Variants in NRXN1 observed in about 807,000 individuals in gnomAD.
NRXN1 encodes neurexin 1, also known as neurexin-1.
In NRXN1, 39 loss-of-function variants were observed where a neutral mutation model predicts 150.9. The observed-to-expected ratio is 0.26, with a 90% confidence interval of 0.20 to 0.34. NRXN1 has a LOEUF of 0.34. NRXN1 is among the 10% of genes least tolerant of loss of function. The probability of loss-of-function intolerance (pLI) is 1.00; values close to 1 mark genes in which losing one functional copy is unlikely to be tolerated. For synonymous variants in NRXN1, 924 were observed against 757.0 expected, an observed-to-expected ratio of 1.22 and a Z score of -3.62; for missense variants, 1,815 against 1,949.9, an observed-to-expected ratio of 0.93 and a Z score of 1.30.
intron 5 of NRXN1, among the ~76,000 whole-genome samples, chr2:50,815,654 T>A (rs1004539604): frequency 6.6e-6 from 1 of 152,150 alleles, no homozygotes; most frequent in African/African-American, 2.4e-5. Flanking sequence ...ATTAAAGTGG[T>A]CAGGACTATT....
chr2:50,029,745 T>A (rs1688909227), intron 21 of NRXN1, among the ~76,000 whole-genome samples: 3 of 152,144 alleles, frequency 2.0e-5, no homozygotes. Context: ...GCAGACTAAG[T>A]CAGCAGTAGG....
intron 17 of NRXN1, among the ~76,000 whole-genome samples, chr2:50,392,184 T>C (rs930699727): frequency 1.3e-5 from 2 of 152,130 alleles, no homozygotes; most frequent in African/African-American, 4.8e-5. Flanking sequence ...ACCAAACTTA[T>C]TTAATAATAC....
intron 5 of NRXN1, among the ~76,000 whole-genome samples, chr2:50,714,020 T>A (rs913896698): frequency 1.3e-5 from 2 of 152,170 alleles, no homozygotes; most frequent in Admixed American, 6.5e-5. Context: ...ATATGACCAA[T>A]ATCTAACAAT....
At chr2:49,933,828 T>C (rs546700007) in intron 22 of NRXN1, among the ~76,000 whole-genome samples, 20 of 152,302 alleles carry the variant, frequency 1.3e-4, no homozygotes, top group African/African-American at 4.6e-4. Context: ...TTTTGCAATA[T>C]GCACTGCACA....
At position 50,053,590 on chromosome 2, in the gene NRXN1, C is replaced by T; in HGVS notation, c.3809G>A (p.Gly1270Glu). Reference protein sequence around the residue: ...RVVDEWLLDKGRQLTIFNSQA... With the variant: ...RVVDEWLLDKERQLTIFNSQA... The stretch of plus-strand genomic sequence containing the variant: ...GCTATTGAAGATTGTGAGCTGACGC[C>T]CTGTAAAAATAATATTACATACATG... The change falls in exon 21 of 23, where the codon GGG (glycine) becomes GAG (glutamate). Residue 1270 changes from glycine (G) to glutamate (E), a missense_variant and splice_region_variant. By Grantham distance (98) the Gly-to-Glu change is moderately conservative (BLOSUM62 -2). Coordinates refer to ENST00000401669, the MANE Select transcript of NRXN1 (RefSeq NM_001330078.2). 1 of 1,613,746 alleles carries T rather than the reference C, an allele frequency of 6.2e-7. No homozygotes were observed. Among genetic ancestry groups the T allele is most frequent in the Non-Finnish European group, 8.5e-7 (1 of 1,179,822 alleles).
intron 5 of NRXN1, among the ~76,000 whole-genome samples, chr2:50,815,779 C>T (rs957733595): frequency 1.2e-4 from 19 of 152,130 alleles, no homozygotes; most frequent in Admixed American, 5.9e-4. Context: ...ATTATTTTCA[C>T]GCTATTTTAT....
intron 17 of NRXN1, among the ~76,000 whole-genome samples, chr2:50,412,158 A>G (rs1404476716): frequency 6.6e-6 from 1 of 152,146 alleles, no homozygotes; most frequent in East Asian, 1.9e-4. Context: ...TCAAGTACCC[A>G]GGGACACAAA....
chr2:50,274,901 A>T (rs1027362239), intron 17 of NRXN1, among the ~76,000 whole-genome samples: 2 of 152,186 alleles, frequency 1.3e-5, no homozygotes, highest in Non-Finnish European at 2.9e-5. Context: ...AGGCTTCTGT[A>T]CAACAGATTT....
chr2:50,937,937 G>T (rs1034150262), intron 2 of NRXN1, among the ~76,000 whole-genome samples: 1 of 152,124 alleles, frequency 6.6e-6, no homozygotes, highest in Non-Finnish European at 1.5e-5. Context: ...TACACACCTA[G>T]GCTATCTGGT....
Position 50,868,169 on chromosome 2 carries a change from A to C in NRXN1, c.832+53700T>G, listed in dbSNP as rs1208182830. Among the ~76,000 whole-genome samples the C allele has an allele frequency of 1.0e-4, 9 of 87,264 alleles. No homozygotes were observed. In the South Asian group the frequency reaches 4.3e-3, roughly 41 times the overall value. The allele number at this position is 87,264 out of a possible 152,430, so 57.2% of individuals were successfully genotyped here. ...TATATATATATATATATATATATAT[A>C]TATATATATATATATATATGCATAC... On this transcript the variant is annotated intron_variant, in intron 5 of 22. Coordinates refer to ENST00000401669, the MANE Select transcript of NRXN1 (RefSeq NM_001330078.2).
chr2:50,546,488 T>C lies in NRXN1; in HGVS notation c.1759+6099A>G, dbSNP rs569850288. Among the ~76,000 whole-genome samples, 85 of 152,164 alleles carry C rather than the reference T, an allele frequency of 5.6e-4. 1 individual carries two copies. The highest frequency in any genetic ancestry group is 9.6e-4 in the Non-Finnish European group (65 of 68,032). ...AAAATAAATTTTGCTACTTAGATGA[T>C]CTTGAGCAAAAGAGTACATAACACC... On this transcript the variant is annotated intron_variant, in intron 9 of 22. Transcript: ENST00000401669.
intron 17 of NRXN1, among the ~76,000 whole-genome samples, chr2:50,267,234 C>A (rs1275368772): frequency 1.3e-5 from 2 of 152,200 alleles, no homozygotes; most frequent in Non-Finnish European, 2.9e-5. Flanking sequence ...GACTTTGTGT[C>A]TACCTTTGAC....
chr2:50,444,970 C>G lies in NRXN1; in HGVS notation c.3364+20472G>C, dbSNP rs554708204. ...CTTAAATTTAACACTCAGGCAAGTG[C>G]CTGACCCTCATCTCAGCATTTATAA... On this transcript the variant is annotated intron_variant, in intron 17 of 22. Coordinates refer to ENST00000401669, the MANE Select transcript of NRXN1 (RefSeq NM_001330078.2). Among the ~76,000 whole-genome samples, 3 of 152,114 alleles carry G rather than the reference C, an allele frequency of 2.0e-5. No homozygotes were observed. In the East Asian group the frequency reaches 5.8e-4, roughly 29 times the overall value.
At chr2:50,749,034 G>T (rs999632548) in intron 5 of NRXN1, among the ~76,000 whole-genome samples, 2 of 152,014 alleles carry the variant, frequency 1.3e-5, no homozygotes, top group African/African-American at 4.8e-5. Flanking sequence ...ACTGGTCTAA[G>T]AATATCATGT....
intron 5 of NRXN1, among the ~76,000 whole-genome samples, chr2:50,743,777 C>A (rs1699711307): frequency 6.6e-6 from 1 of 152,006 alleles, no homozygotes; most frequent in Non-Finnish European, 1.5e-5. Flanking sequence ...TAGTATTCTA[C>A]CTTGAAAAGA....
intron 17 of NRXN1, among the ~76,000 whole-genome samples, chr2:50,256,681 T>C (rs944715779): frequency 6.6e-6 from 1 of 152,264 alleles, no homozygotes; most frequent in African/African-American, 2.4e-5. Context: ...GCTGAGCAGA[T>C]AGATAACTGC....
intron 21 of NRXN1, among the ~76,000 whole-genome samples, chr2:50,005,906 T>C (rs191370138): frequency 2.0e-5 from 3 of 152,148 alleles, no homozygotes; most frequent in African/African-American, 7.2e-5. Flanking sequence ...CACAGTTAGA[T>C]CTATTAATTT....
intron 5 of NRXN1, among the ~76,000 whole-genome samples, chr2:50,819,684 G>GT (rs368774625): frequency 2.2e-4 from 33 of 151,038 alleles, no homozygotes; most frequent in South Asian, 8.4e-4. Context: ...TACATGTTAT[G>GT]TTTTTTTTTA....
intron 5 of NRXN1, among the ~76,000 whole-genome samples, chr2:50,716,575 T>G (rs1695893722): frequency 6.6e-6 from 1 of 152,174 alleles, no homozygotes; most frequent in Non-Finnish European, 1.5e-5. Flanking sequence ...GATCCCCATC[T>G]GCCAGCTCAT....
Sources: allele counts gnomAD v4.1 joint callset (sites outside exome capture counted in the v4.1 genomes callset), GRCh38; gene constraint gnomAD v4.1.1; transcripts MANE v1.5; gene names NCBI Gene and HGNC (gene_info 2026-07-23, HGNC 2026-07-21).